The following SPRY3 variants were observed in gnomAD, a reference collection of about 807,000 sequenced individuals.
SPRY3 encodes sprouty RTK signaling antagonist 3, also known as protein sprouty homolog 3.
A neutral mutation model predicts 20.2 loss-of-function variants in SPRY3; 15 were observed. The ratio of observed to expected loss-of-function variants is 0.74; its 90% CI spans 0.50 to 1.14. The LOEUF (loss-of-function observed/expected upper bound fraction) is 1.14. Ranked by LOEUF, SPRY3 falls within the 50% of genes most tolerant of loss-of-function variation. The probability of loss-of-function intolerance (pLI) is 0.00; values close to 1 mark genes in which losing one functional copy is unlikely to be tolerated. For missense variants in SPRY3, 364 were observed against 363.9 expected, an observed-to-expected ratio of 1.00 and a Z score of 0.00; for synonymous variants, 143 against 136.5, an observed-to-expected ratio of 1.05 and a Z score of -0.33.
chrX:155,628,822 G>A (rs1428045226), intron 1 of SPRY3, among the ~76,000 whole-genome samples: 1 of 111,144 alleles, frequency 9.0e-6, no homozygotes, highest in Non-Finnish European at 1.9e-5. Context: ...TGTCTTTTTG[G>A]TAATAGCCAT....
intron 1 of SPRY3, among the ~76,000 whole-genome samples, chrX:155,650,090 C>G (rs1557352242): frequency 9.0e-6 from 1 of 111,316 alleles, no homozygotes; most frequent in East Asian, 2.8e-4. Flanking sequence ...CTACAAATCA[C>G]TGCTCGAGGA....
intron 1 of SPRY3, among the ~76,000 whole-genome samples, chrX:155,641,275 G>A (rs1432806935): frequency 1.8e-5 from 2 of 111,770 alleles, no homozygotes; most frequent in African/African-American, 6.5e-5. Context: ...ATCCCACTTG[G>A]TCATGATAAA....
intron 2 of SPRY3, among the ~76,000 whole-genome samples, chrX:155,681,023 C>T (rs930010695): frequency 9.0e-6 from 1 of 111,274 alleles, no homozygotes; most frequent in Non-Finnish European, 1.9e-5. Flanking sequence ...GTCCTTGGGC[C>T]TCTCTATTCT....
chrX:155,687,593 A>T (rs2068091106), intron 2 of SPRY3, among the ~76,000 whole-genome samples: 1 of 112,390 alleles, frequency 8.9e-6, no homozygotes, highest in African/African-American at 3.2e-5. Flanking sequence ...TTTCCTCAGC[A>T]TTATATCCAT....
intron 1 of SPRY3, among the ~76,000 whole-genome samples, chrX:155,637,227 T>C (rs2067926751): frequency 9.0e-6 from 1 of 110,807 alleles, no homozygotes; most frequent in Admixed American, 9.6e-5. Context: ...TACAAAGAGT[T>C]ATTTTTGTTG....
intron 2 of SPRY3, among the ~76,000 whole-genome samples, chrX:155,680,282 T>C (rs1344142267): frequency 9.3e-6 from 1 of 107,051 alleles, no homozygotes; most frequent in Non-Finnish European, 1.9e-5. Flanking sequence ...GGCCCTAGTA[T>C]GGAGACTAGT....
At chrX:155,667,432 G>C (rs781960486) in intron 2 of SPRY3, among the ~76,000 whole-genome samples, 1 of 111,250 alleles carries the variant, frequency 9.0e-6, no homozygotes, top group African/African-American at 3.3e-5. Context: ...CATAGAGGAA[G>C]AGATTGGCCT....
chrX:155,769,425 G>T (rs1202087969), intron 3 of SPRY3, among the ~76,000 whole-genome samples: 1 of 152,080 alleles, frequency 6.6e-6, no homozygotes, highest in Admixed American at 6.5e-5. Flanking sequence ...TTATTTTGCA[G>T]ATGAAGAAAC....
At chrX:155,768,633 C>A (rs746366164) in intron 3 of SPRY3, among the ~76,000 whole-genome samples, 3 of 152,216 alleles carry the variant, frequency 2.0e-5, no homozygotes, top group Admixed American at 6.5e-5. Context: ...GTAGACATGG[C>A]GCAAGCTGAC....
At chrX:155,716,081 G>C (rs758893849) in intron 2 of SPRY3, among the ~76,000 whole-genome samples, 1 of 152,288 alleles carries the variant, frequency 6.6e-6, no homozygotes, top group Non-Finnish European at 1.5e-5. Flanking sequence ...TCTGTGTGAA[G>C]ATAATTGTTA....
chrX:155,775,580 C>T (rs1179178965), exon 4 of SPRY3: 1 of 167,086 alleles, frequency 6.0e-6, no homozygotes, highest in Non-Finnish European at 1.5e-5. Context: ...CTCACAACCA[C>T]TCTCACCTGT....
At chrX:155,644,572 C>T (rs1356946281) in intron 1 of SPRY3, among the ~76,000 whole-genome samples, 1 of 111,334 alleles carries the variant, frequency 9.0e-6, no homozygotes, top group African/African-American at 3.3e-5. Context: ...ATGCTTCCCA[C>T]TCTTCCCTCT....
At chrX:155,613,874 A>G (rs1029076865) in intron 1 of SPRY3, among the ~76,000 whole-genome samples, 3 of 111,681 alleles carry the variant, frequency 2.7e-5, no homozygotes, top group African/African-American at 3.3e-5. Context: ...ACTCTAGATT[A>G]TAATTTCTCT....
rs142559079 is a variant in SPRY3 at position 155,774,303 on chromosome X, C to T, written c.432C>T (p.Leu144=). 81 of 1,614,046 alleles carry T rather than the reference C, an allele frequency of 5.0e-5. No individual in the cohort carries two copies. The African/African-American group carries it at 1.0e-3, about 20-fold the overall frequency. Residue 144 remains leucine, a synonymous_variant, in exon 4 of 4, where the codon CTC becomes CTT. Coordinates refer to ENST00000675360, the Ensembl canonical transcript of SPRY3. Reference sequence around the variant, plus strand: ...CTGCAGGGCACCCTAGTGAGCACCTCTTCATCTGTGAGGAATGTGGGCGCT... The same window carrying T: ...CTGCAGGGCACCCTAGTGAGCACCTTTTCATCTGTGAGGAATGTGGGCGCT...
In SPRY3 at chrX:155,674,334, T is replaced by C. The variant is rs782513295; in HGVS notation, c.-282+17309T>C. On this transcript the variant is annotated intron_variant, in intron 2 of 3. Transcript: ENST00000675360. ...CAATAACCAATTTGGCCCTAAGATT[T>C]TCCTTTTATTTTCTCACCATCCTCT... is the stretch of plus-strand genomic sequence containing the variant. Among the ~76,000 whole-genome samples the C allele has an allele frequency of 3.7e-5, 4 of 109,488 alleles. No individual in the cohort carries two copies. The South Asian group carries it at 1.6e-3, about 43-fold the overall frequency.
intron 2 of SPRY3, among the ~76,000 whole-genome samples, chrX:155,666,496 A>G (rs782429688): frequency 1.8e-5 from 2 of 110,765 alleles, no homozygotes; most frequent in African/African-American, 6.6e-5. Context: ...AAAAAGAGAT[A>G]ATATGGGCTT....
intron 2 of SPRY3, among the ~76,000 whole-genome samples, chrX:155,751,983 T>TAAAAG (rs1444866727): frequency 2.6e-4 from 33 of 127,682 alleles, no homozygotes; most frequent in Admixed American, 7.3e-4. Context: ...TAAAATAAAA[T>TAAAAG]AAAGGAAAGG....
chrX:155,714,489 C>A (rs1334971405), intron 2 of SPRY3, among the ~76,000 whole-genome samples: 1 of 152,166 alleles, frequency 6.6e-6, no homozygotes, highest in East Asian at 1.9e-4. Flanking sequence ...GAGACTCATT[C>A]TTTTTCCTTA....
At chrX:155,654,037 A>G (rs2067984754) in intron 1 of SPRY3, among the ~76,000 whole-genome samples, 1 of 112,238 alleles carries the variant, frequency 8.9e-6, no homozygotes, top group African/African-American at 3.2e-5. Flanking sequence ...GATGCCAGTT[A>G]TAAGTAGTAG....
Sources: gnomAD v4.1 joint callset for allele counts (sites outside exome capture counted in the v4.1 genomes callset) on GRCh38, gnomAD v4.1.1 for gene constraint, MANE v1.5 for transcripts, NCBI Gene and HGNC (gene_info 2026-07-23, HGNC 2026-07-21) for gene names.